TRAPPC12: variants seen among roughly 807,000 people sequenced by gnomAD.
TRAPPC12 encodes trafficking protein particle complex subunit 12, also known as TPR repeat protein 15.
In TRAPPC12, 61 loss-of-function variants were observed where a neutral mutation model predicts 69.2. The ratio of observed to expected loss-of-function variants is 0.88; its 90% CI spans 0.72 to 1.09. The LOEUF (loss-of-function observed/expected upper bound fraction) is 1.09. Ranked by LOEUF, TRAPPC12 falls within the 50% of genes least tolerant of loss-of-function variation. The probability of loss-of-function intolerance (pLI) is 0.00; values close to 1 mark genes in which losing one functional copy is unlikely to be tolerated. For missense variants in TRAPPC12, 1,101 were observed against 1,016.4 expected (o/e 1.08, Z -1.13); for synonymous variants, 469 against 438.9 (o/e 1.07, Z -0.86).
In TRAPPC12 at chr2:3,388,497, G is replaced by C. The variant is rs1353916668; in HGVS notation, c.874G>C (p.Asp292His). 1 of 1,612,764 alleles carries C rather than the reference G, an allele frequency of 6.2e-7. No individual in the cohort carries two copies. Among genetic ancestry groups the C allele is most frequent in the Admixed American group, 1.7e-5 (1 of 59,998 alleles). The change falls in exon 2 of 12, where the codon GAC (aspartate) becomes CAC (histidine). Residue 292 changes from aspartate to histidine, a missense_variant. Coordinates refer to ENST00000324266, the MANE Select transcript of TRAPPC12 (RefSeq NM_016030.6). ...CCAGGCAGTGTTTGCAGGGAGTGAC[G>C]ACCCCTTTGCCACCGCCCTGAGCAT... is the stretch of plus-strand genomic sequence containing the variant. ...HIQAVFAGSD[D>H]PFATALSMSE... is the part of the protein sequence containing the mutation.
At chr2:3,467,475 C>T (rs752871132) in intron 9 of TRAPPC12, 9 of 152,214 alleles carry the variant, frequency 5.9e-5, no homozygotes, top group Non-Finnish European at 1.0e-4. Flanking sequence ...TCTCTGAAGA[C>T]GTTGTGACGT....
intron 9 of TRAPPC12, among the ~76,000 whole-genome samples, chr2:3,472,827 C>T (rs1277665931): frequency 3.3e-5 from 5 of 152,060 alleles, no homozygotes; most frequent in Admixed American, 2.6e-4. Context: ...TCTGACTTCA[C>T]GGAGGACAGG....
chr2:3,420,202 A>C (rs980759036), intron 3 of TRAPPC12, among the ~76,000 whole-genome samples: 3 of 151,996 alleles, frequency 2.0e-5, no homozygotes, highest in Admixed American at 2.0e-4. Context: ...AAAAACAACT[A>C]TCAACCCCTC....
At chr2:3,421,377 C>A (rs1662775464) in intron 3 of TRAPPC12, among the ~76,000 whole-genome samples, 1 of 152,194 alleles carries the variant, frequency 6.6e-6, no homozygotes, top group African/African-American at 2.4e-5. Flanking sequence ...TCACCCAGTT[C>A]ATTGATTTTT....
At chr2:3,411,594 A>G (rs1031093619) in intron 3 of TRAPPC12, among the ~76,000 whole-genome samples, 2 of 152,246 alleles carry the variant, frequency 1.3e-5, no homozygotes, top group Non-Finnish European at 2.9e-5. Flanking sequence ...TTGTGTATAT[A>G]TGCTTAGGCA....
chr2:3,465,822 A>T (rs1437374929), intron 9 of TRAPPC12, 127 bp downstream of exon 9: 1 of 713,902 alleles, frequency 1.4e-6, no homozygotes, highest in Non-Finnish European at 2.4e-6. Context: ...ATTCAAATGT[A>T]TGTGACCATG....
chr2:3,392,561 T>C (rs1660884180), intron 2 of TRAPPC12, among the ~76,000 whole-genome samples: 1 of 152,196 alleles, frequency 6.6e-6, no homozygotes, highest in Non-Finnish European at 1.5e-5. Flanking sequence ...AAATGACTAA[T>C]TGTATTTCTC....
At chr2:3,450,711 C>G (rs745470981) in intron 6 of TRAPPC12, among the ~76,000 whole-genome samples, 1 of 152,140 alleles carries the variant, frequency 6.6e-6, no homozygotes, top group Non-Finnish European at 1.5e-5. Context: ...GCAGGACTTT[C>G]CAAAATCTAA....
chr2:3,396,902 C>T (rs1261733713), intron 2 of TRAPPC12, among the ~76,000 whole-genome samples: 1 of 152,046 alleles, frequency 6.6e-6, no homozygotes, highest in Non-Finnish European at 1.5e-5. Flanking sequence ...CCCATAGTCA[C>T]AGCTACTCAG....
chr2:3,446,616 G>A (rs970344179), intron 6 of TRAPPC12, among the ~76,000 whole-genome samples: 11 of 152,360 alleles, frequency 7.2e-5, no homozygotes, highest in East Asian at 1.9e-4. Flanking sequence ...ACCTTTCTGC[G>A]GCTGGTTCAG....
chr2:3,417,691 A>G (rs971406995), intron 3 of TRAPPC12, among the ~76,000 whole-genome samples: 15 of 152,172 alleles, frequency 9.9e-5, no homozygotes, highest in Non-Finnish European at 2.9e-5. Flanking sequence ...ACATTTACTC[A>G]TCGAACTTCT....
Position 3,388,359 on chromosome 2 carries a change from G to T in TRAPPC12, c.736G>T (p.Ala246Ser). Reference sequence around the variant, plus strand: ...TCCCGGCGCGGGCTCCCCGGCCCCCGCCAGCCCGCCTCCCCTCGCTGTGCC... The same window carrying T: ...TCCCGGCGCGGGCTCCCCGGCCCCCTCCAGCCCGCCTCCCCTCGCTGTGCC... Reference protein sequence around the residue: ...SNPGAGSPAPASPPPLAVPGT... With the variant: ...SNPGAGSPAPSSPPPLAVPGT... The change falls in exon 2 of 12, where the codon GCC (alanine) becomes TCC (serine). Residue 246 changes from alanine to serine, a missense_variant. By Grantham distance (99) the Ala-to-Ser change is moderately conservative. Transcript: ENST00000324266. The T allele has an allele frequency of 6.3e-7, 1 of 1,592,512 alleles. No individual in the cohort carries two copies.
At chr2:3,475,334 A>C (rs1228831854) in intron 9 of TRAPPC12, among the ~76,000 whole-genome samples, 2 of 151,538 alleles carry the variant, frequency 1.3e-5, no homozygotes, top group East Asian at 3.9e-4. Flanking sequence ...TCTGGTCTTG[A>C]ACTCCTGAAA....
At chr2:3,460,381 G>T (rs756560541) in intron 8 of TRAPPC12, 45 bp downstream of exon 8, 1 of 847,254 alleles carries the variant, frequency 1.2e-6, no homozygotes, top group East Asian at 2.4e-5. Context: ...CTGGAAGAGC[G>T]GGGTCAGTGG....
Position 3,464,020 on chromosome 2 carries a change from G to GC in TRAPPC12, c.1678-1573dup, listed in dbSNP as rs139787479. On this transcript the variant is annotated intron_variant, in intron 8 of 11. Transcript: ENST00000324266. ...ATCAGGGCCAGCCCAGGGTGTGCAGGCCCCACAGCTGCATCTGGGGTGCCA... is the reference window on the plus strand; with the variant it reads ...ATCAGGGCCAGCCCAGGGTGTGCAGGCCCCCACAGCTGCATCTGGGGTGCCA... 2.2e-3 allele frequency among the ~76,000 whole-genome samples: 334 copies of GC among 152,202 alleles called. 5 individuals carry two copies. The highest frequency in any genetic ancestry group is 3.4e-3 in the African/African-American group (140 of 41,534).
intron 8 of TRAPPC12, among the ~76,000 whole-genome samples, chr2:3,464,399 T>C (rs1040572248): frequency 2.1e-5 from 3 of 143,646 alleles, no homozygotes; most frequent in Non-Finnish European, 4.6e-5. Flanking sequence ...CCTACCAAAC[T>C]GGAATTGTAC....
chr2:3,418,926 C>A (rs550573861), intron 3 of TRAPPC12, among the ~76,000 whole-genome samples: 8 of 152,322 alleles, frequency 5.3e-5, no homozygotes, highest in African/African-American at 1.9e-4. Flanking sequence ...CCATCCTCAC[C>A]TGCTTCCCCA....
intron 9 of TRAPPC12, 74 bp from the exon 10 acceptor site, chr2:3,477,621 T>G (rs980120809): frequency 1.0e-5 from 8 of 782,594 alleles, no homozygotes; most frequent in Non-Finnish European, 1.6e-5. Flanking sequence ...AACATGATAT[T>G]AGGGAACTAA....
intron 3 of TRAPPC12, among the ~76,000 whole-genome samples, chr2:3,416,265 G>C (rs1662387687): frequency 6.6e-6 from 1 of 152,026 alleles, no homozygotes; most frequent in Admixed American, 6.5e-5. Flanking sequence ...TGCCCCACCA[G>C]CCCAGCCTGC....
Sources: allele counts gnomAD v4.1 joint callset (sites outside exome capture counted in the v4.1 genomes callset), GRCh38; gene constraint gnomAD v4.1.1; transcripts MANE v1.5; gene names NCBI Gene and HGNC (gene_info 2026-07-23, HGNC 2026-07-21).